The following NRXN3 variants were observed in gnomAD, a reference collection of about 807,000 sequenced individuals.
NRXN3 encodes neurexin III.
A neutral mutation model predicts 137.6 loss-of-function variants in NRXN3; 32 were observed. The observed-to-expected ratio is 0.23, with a 90% CI of 0.18 to 0.31. The LOEUF is 0.31. NRXN3 is among the 10% of genes least tolerant of loss of function. The pLI is 1.00. For synonymous variants in NRXN3, 798 were observed against 784.5 expected (o/e 1.02, Z -0.29); for missense variants, 1,574 against 2,062.5 (o/e 0.76, Z 4.59).
intron 4 of NRXN3, among the ~76,000 whole-genome samples, chr14:78,393,914 G>A (rs1177138368): frequency 6.6e-6 from 1 of 151,884 alleles, no homozygotes; most frequent in African/African-American, 2.4e-5. Flanking sequence ...TTCATATAGA[G>A]GAATACAACA....
At chr14:78,967,151 C>A (rs2099419278) in intron 12 of NRXN3, 57 bp from the exon 13 acceptor site, 1 of 1,475,242 alleles carries the variant, frequency 6.8e-7, no homozygotes, top group Non-Finnish European at 9.2e-7. Flanking sequence ...ACACATATAG[C>A]CATTAAACCA....
At chr14:79,204,587 G>A (rs767462956) in intron 15 of NRXN3, among the ~76,000 whole-genome samples, 1 of 152,078 alleles carries the variant, frequency 6.6e-6, no homozygotes, top group Non-Finnish European at 1.5e-5. Flanking sequence ...CCTTGTGAGG[G>A]TGAATGTCTG....
intron 5 of NRXN3, among the ~76,000 whole-genome samples, chr14:78,650,423 AT>A (rs1169147661): frequency 6.6e-6 from 1 of 151,606 alleles, no homozygotes; most frequent in African/African-American, 2.4e-5. Context: ...GGGCATTATT[AT>A]TTTTATTGTT....
chr14:79,796,851 C>G (rs2140405444), intron 19 of NRXN3, among the ~76,000 whole-genome samples: 1 of 152,296 alleles, frequency 6.6e-6, no homozygotes, highest in East Asian at 1.9e-4. Flanking sequence ...ATGTAGTCTG[C>G]TGTCTTTAGT....
At chr14:79,754,389 A>G (rs1256854119) in intron 19 of NRXN3, among the ~76,000 whole-genome samples, 2 of 150,648 alleles carry the variant, frequency 1.3e-5, no homozygotes, top group African/African-American at 4.9e-5. Context: ...TATAGATTAT[A>G]TGCAAATACT....
intron 20 of NRXN3, among the ~76,000 whole-genome samples, chr14:79,806,395 T>G (rs944397948): frequency 6.6e-6 from 1 of 152,226 alleles, no homozygotes; most frequent in African/African-American, 2.4e-5. Flanking sequence ...GGAAGTTCTG[T>G]GGGTTCATAC....
At chr14:78,841,080 A>G in intron 10 of NRXN3, among the ~76,000 whole-genome samples, 1 of 152,152 alleles carries the variant, frequency 6.6e-6, no homozygotes, top group East Asian at 1.9e-4. Context: ...AGCTACAATT[A>G]AAACCCACTT....
chr14:79,540,126 C>T (rs1415666391), intron 16 of NRXN3, among the ~76,000 whole-genome samples: 1 of 152,082 alleles, frequency 6.6e-6, no homozygotes, highest in Admixed American at 6.6e-5. Flanking sequence ...CTAGTGTAGT[C>T]TGTATTCCCT....
intron 10 of NRXN3, among the ~76,000 whole-genome samples, chr14:78,850,881 T>C (rs2099040684): frequency 6.6e-6 from 1 of 152,170 alleles, no homozygotes; most frequent in Admixed American, 6.6e-5. Context: ...AAAACTAACA[T>C]TCTTCTGTTT....
intron 15 of NRXN3, among the ~76,000 whole-genome samples, chr14:79,146,324 G>C (rs1407621445): frequency 7.9e-5 from 12 of 152,072 alleles, no homozygotes; most frequent in Admixed American, 7.9e-4. Context: ...GCATCAAGTT[G>C]GTAAGACAAC....
chr14:79,233,178 C>G (rs1440201227), intron 15 of NRXN3, among the ~76,000 whole-genome samples: 1 of 152,160 alleles, frequency 6.6e-6, no homozygotes, highest in Non-Finnish European at 1.5e-5. Context: ...CTTCACAGCA[C>G]TCCAACACCT....
chr14:79,741,345 G>A (rs1156366256), intron 19 of NRXN3, among the ~76,000 whole-genome samples: 1 of 152,072 alleles, frequency 6.6e-6, no homozygotes. Context: ...ATGCTTTCTG[G>A]AAGCAATATG....
chr14:79,301,301 A>C (rs2085097512), intron 15 of NRXN3, among the ~76,000 whole-genome samples: 1 of 152,004 alleles, frequency 6.6e-6, no homozygotes, highest in African/African-American at 2.4e-5. Context: ...TTTGTTGCTG[A>C]AGATGAAAGT....
intron 16 of NRXN3, among the ~76,000 whole-genome samples, chr14:79,483,407 A>G (rs1041420025): frequency 9.9e-5 from 15 of 152,232 alleles, no homozygotes; most frequent in Admixed American, 3.3e-4. Context: ...TTTGTTAAAA[A>G]GTGTTTGGTA....
At chr14:78,514,958 G>A (rs2153793446) in intron 4 of NRXN3, among the ~76,000 whole-genome samples, 1 of 152,238 alleles carries the variant, frequency 6.6e-6, no homozygotes, top group East Asian at 1.9e-4. Flanking sequence ...TAGAGTCAAG[G>A]AGCAGCTGTC....
chr14:79,461,953 T>C (rs2096349695), intron 15 of NRXN3, among the ~76,000 whole-genome samples: 1 of 152,210 alleles, frequency 6.6e-6, no homozygotes, highest in South Asian at 2.1e-4. Flanking sequence ...GAGACTGACA[T>C]CTTGTTTCTC....
intron 16 of NRXN3, among the ~76,000 whole-genome samples, chr14:79,545,002 G>A (rs1318354454): frequency 2.0e-5 from 3 of 152,212 alleles, no homozygotes; most frequent in Non-Finnish European, 4.4e-5. Flanking sequence ...TCTTACCAGT[G>A]AGCTATAGTA....
intron 15 of NRXN3, among the ~76,000 whole-genome samples, chr14:79,147,502 A>T (rs2059406758): frequency 6.6e-6 from 1 of 152,050 alleles, no homozygotes; most frequent in African/African-American, 2.4e-5. Context: ...CCCATTTAAG[A>T]TAGGAGAGAA....
intron 10 of NRXN3, among the ~76,000 whole-genome samples, chr14:78,811,645 A>T (rs2098913596): frequency 6.6e-6 from 1 of 152,154 alleles, no homozygotes; most frequent in African/African-American, 2.4e-5. Context: ...TTACTTGTTG[A>T]TTCCATCCTA....
Sources: allele counts gnomAD v4.1 joint callset (sites outside exome capture counted in the v4.1 genomes callset), GRCh38; gene constraint gnomAD v4.1.1; transcripts MANE v1.5; gene names NCBI Gene and HGNC (gene_info 2026-07-23, HGNC 2026-07-21).